TSBP1: variants seen among roughly 807,000 people sequenced by gnomAD.
The protein encoded by TSBP1 is testis expressed basic protein 1, also known as testis-expressed basic protein 1.
TSBP1 carries 56 observed loss-of-function variants against 68.8 expected under a neutral mutation model. That is an observed-to-expected ratio of 0.81 (90% confidence interval 0.66 to 1.02). The LOEUF is 1.02. Among genes scored for constraint, TSBP1 ranks in the 50% least tolerant of loss-of-function variants. The pLI is 0.00. For synonymous variants in TSBP1, 171 were observed against 208.7 expected (o/e 0.82, Z 1.56); for missense variants, 502 against 641.2 (o/e 0.78, Z 2.34).
At chr6:32,324,074 A>C (rs1171970002) in intron 16 of TSBP1, among the ~76,000 whole-genome samples, 1 of 152,112 alleles carries the variant, frequency 6.6e-6, no homozygotes, top group Non-Finnish European at 1.5e-5. Flanking sequence ...TTTATTTTTT[A>C]ATAAAATAGT....
intron 16 of TSBP1, 31 bp from the exon 18 acceptor site, chr6:32,323,645 T>A: frequency 6.2e-7 from 1 of 1,608,806 alleles, no homozygotes; most frequent in Non-Finnish European, 8.5e-7. Context: ...TTAGCAACTG[T>A]TTTTTCTCCC....
chr6:32,306,585 T>C lies in TSBP1; in HGVS notation c.581-3956A>G, dbSNP rs1419744238. 6.6e-6 allele frequency among the ~76,000 whole-genome samples: 1 copy of C among 152,234 alleles called. No individual in the cohort carries two copies. The highest frequency in any genetic ancestry group is 1.5e-5 in the Non-Finnish European group (1 of 68,040). On this transcript the variant is annotated intron_variant, in intron 19 of 22. Coordinates refer to ENST00000612031, the Ensembl canonical transcript of TSBP1. This position sits in a 1 kb window ranked among gnomAD's most constrained non-coding sequence, Gnocchi z 5.1. Reference sequence around the variant, plus strand: ...GGTTACTTACATTTATGTGTATCAATATTGTAAAAATCAGCACTAAAATTG... The same window carrying C: ...GGTTACTTACATTTATGTGTATCAACATTGTAAAAATCAGCACTAAAATTG...
At chr6:32,327,190 T>TAC (rs1446109780) in intron 16 of TSBP1, among the ~76,000 whole-genome samples, 1 of 152,166 alleles carries the variant, frequency 6.6e-6, no homozygotes, top group Admixed American at 6.5e-5. Context: ...TGTGAGTTTC[T>TAC]ACACACACAA....
intron 4 of TSBP1, among the ~76,000 whole-genome samples, chr6:32,367,418 C>T (rs533258214): frequency 2.0e-4 from 31 of 152,124 alleles, no homozygotes; most frequent in African/African-American, 7.0e-4. Flanking sequence ...AAGTAGACAG[C>T]GCATTGCCGT....
intron 4 of TSBP1, 101 bp from the exon 5 acceptor site, chr6:32,366,403 T>A (rs1475892448): frequency 9.2e-7 from 1 of 1,083,818 alleles, no homozygotes; most frequent in Non-Finnish European, 1.4e-6. Flanking sequence ...CTCTTTTAGA[T>A]CTCTGAGAAG....
At position 32,325,150 on chromosome 6, in the gene TSBP1, T is replaced by G. The variant is rs1768084013; in HGVS notation, c.515-1536A>C. On this transcript the variant is annotated intron_variant, in intron 16 of 22. Coordinates refer to ENST00000612031, the Ensembl canonical transcript of TSBP1. The surrounding 1 kb of genome is among the most constrained non-coding windows in gnomAD (Gnocchi z 4.4). ...ATGTTCTAGAAACTTATTAATAATT[T>G]ATTTATGCCTTTCTGCCCATGGATG... 13 of 490,092 alleles carry G rather than the reference T, an allele frequency of 2.7e-5. No individual in the cohort carries two copies. The South Asian group carries it at 6.1e-4, about 23-fold the overall frequency. The allele number at this position is 490,092 out of a possible 1,614,324, so 30.4% of individuals were successfully genotyped here.
At chr6:32,360,830 A>G (rs1232273233) in intron 6 of TSBP1, among the ~76,000 whole-genome samples, 1 of 151,376 alleles carries the variant, frequency 6.6e-6, no homozygotes, top group African/African-American at 2.4e-5. Flanking sequence ...AAAAATGTCT[A>G]TTTAGGTCCT....
At chr6:32,367,263 G>A (rs9279607) in intron 4 of TSBP1, among the ~76,000 whole-genome samples, 9 of 135,772 alleles carry the variant, frequency 6.6e-5, no homozygotes, top group African/African-American at 1.7e-4. Context: ...GAGAGAGAGA[G>A]AAAGAGAGAG....
intron 1 of TSBP1, among the ~76,000 whole-genome samples, 164 bp downstream of exon 1, chr6:32,371,530 C>T (rs1774424015): frequency 6.6e-6 from 1 of 152,068 alleles, no homozygotes; most frequent in Non-Finnish European, 1.5e-5. Flanking sequence ...GTTGTTTCCC[C>T]CAGGCTTCCA....
intron 22 of TSBP1, among the ~76,000 whole-genome samples, chr6:32,296,371 CATT>C (rs1764726719): frequency 6.6e-6 from 1 of 152,132 alleles, no homozygotes; most frequent in African/African-American, 2.4e-5. Context: ...ATAAAAATAA[CATT>C]AGGAAAATTA....
Position 32,339,664 on chromosome 6 carries a change from CA to C in TSBP1, c.350-27del, listed in dbSNP as rs764489635. The stretch of plus-strand genomic sequence containing the variant: ...CTATAATAAAAATTGAAAAGTGTAA[CA>C]TTATTTAGATTTAGACTTTCAGAAG... On this transcript the variant is annotated intron_variant, in intron 9 of 22. Coordinates refer to ENST00000612031, the Ensembl canonical transcript of TSBP1. The C allele has an allele frequency of 1.3e-5, 13 of 1,024,702 alleles. No homozygotes were observed. The African/African-American group carries it at 2.0e-4, about 16-fold the overall frequency. 63.5% of individuals were successfully genotyped at this position (1,024,702 alleles called of 1,614,324 possible).
chr6:32,303,041 T>A (rs1416424677), intron 19 of TSBP1, among the ~76,000 whole-genome samples: 4 of 152,214 alleles, frequency 2.6e-5, no homozygotes, highest in African/African-American at 9.7e-5. Context: ...CAAATCTCTC[T>A]TATAGCTTCT....
chr6:32,335,594 T>A lies in TSBP1; in HGVS notation c.452-137A>T. ...GTCAAGTTCAGCTGCAGTTGAGTAGTAGAAATGGTGACTTTCTTGCTATGG... is the reference window on the plus strand; with the variant it reads ...GTCAAGTTCAGCTGCAGTTGAGTAGAAGAAATGGTGACTTTCTTGCTATGG... On this transcript the variant is annotated intron_variant, in intron 13 of 22. Transcript: ENST00000612031. The surrounding 1 kb of genome is among the most constrained non-coding windows in gnomAD (Gnocchi z 5.5). 2 of 756,328 alleles carry A rather than the reference T, an allele frequency of 2.6e-6. No individual in the cohort carries two copies. The highest frequency in any genetic ancestry group is 3.7e-6 in the Non-Finnish European group (2 of 534,354). 46.9% of individuals were successfully genotyped at this position (756,328 alleles called of 1,614,324 possible). A position where few individuals can be genotyped will look rare whatever the true frequency, so the allele number is the denominator to read the frequency against.
chr6:32,317,778 T>A (rs1767133020), intron 18 of TSBP1, among the ~76,000 whole-genome samples: 2 of 152,166 alleles, frequency 1.3e-5, no homozygotes, highest in Non-Finnish European at 2.9e-5. Flanking sequence ...CCAGGCAGAA[T>A]GGCCATTATC....
intron 9 of TSBP1, 57 bp from the exon 11 acceptor site, chr6:32,339,695 GGA>G (rs1176168781): frequency 1.3e-6 from 1 of 766,704 alleles, no homozygotes; most frequent in Non-Finnish European, 2.2e-6. Flanking sequence ...CAGAAGGCAT[GGA>G]GATAGACAAT....
rs114797575 is a variant in TSBP1 at position 32,314,411 on chromosome 6, C to T, written c.580+1361G>A. On this transcript the variant is annotated intron_variant, in intron 19 of 22. Coordinates refer to ENST00000612031, the Ensembl canonical transcript of TSBP1. The surrounding 1 kb of genome is among the most constrained non-coding windows in gnomAD (Gnocchi z 4.2). ...AGCTGTGAGACCAATAATCCCTTCT[C>T]CTGAACTTTGGTGGGCCTTGGTCTC... Among the ~76,000 whole-genome samples, 2,780 of 152,302 alleles carry T rather than the reference C, an allele frequency of 0.018. 40 individuals are homozygous for T. The highest frequency in any genetic ancestry group is 0.048 in the Middle Eastern group (14 of 294).
chr6:32,325,742 G>A lies in TSBP1; in HGVS notation c.515-2128C>T, dbSNP rs1768148564. On this transcript the variant is annotated intron_variant, in intron 16 of 22. Transcript: ENST00000612031. This position sits in a 1 kb window ranked among gnomAD's most constrained non-coding sequence, Gnocchi z 4.4. Reference sequence around the variant, plus strand: ...CCACAGTGTGAATGGCCACAACTGTGAAGTTAGGAAAGTCTGTCAAAGCAA... The same window carrying A: ...CCACAGTGTGAATGGCCACAACTGTAAAGTTAGGAAAGTCTGTCAAAGCAA... The A allele has an allele frequency of 5.5e-6, 6 of 1,094,418 alleles. No homozygotes were observed. The highest frequency in any genetic ancestry group is 1.6e-5 in the African/African-American group (1 of 63,812). 67.8% of individuals were successfully genotyped at this position (1,094,418 alleles called of 1,614,324 possible).
intron 9 of TSBP1, among the ~76,000 whole-genome samples, chr6:32,344,478 G>A (rs957521178): frequency 5.9e-5 from 9 of 151,920 alleles, no homozygotes; most frequent in Admixed American, 2.0e-4. Flanking sequence ...AGGAGGACAA[G>A]GTCCCTAGAC....
intron 14 of TSBP1, among the ~76,000 whole-genome samples, chr6:32,334,762 A>G (rs9405091): frequency 0.34 from 51,007 of 151,950 alleles, 9,574 homozygotes; most frequent in Middle Eastern, 0.51. Context: ...GGCCAGGCGC[A>G]GTGGCTCACG....
Sources: gnomAD v4.1 joint callset for allele counts (sites outside exome capture counted in the v4.1 genomes callset) on GRCh38, gnomAD v4.1.1 for gene constraint, Gnocchi (gnomAD v3.1) non-coding constraint, MANE v1.5 for transcripts, NCBI Gene and HGNC (gene_info 2026-07-23, HGNC 2026-07-21) for gene names.